The following H2BC18 variants were observed in gnomAD, a reference collection of about 807,000 sequenced individuals.
H2BC18 encodes the protein H2B clustered histone 18.
A neutral mutation model predicts 6.3 loss-of-function variants in H2BC18; 8 were observed. The ratio of observed to expected loss-of-function variants is 1.28; its 90% CI spans 0.75 to 2.31. The LOEUF is 2.31. Among genes scored for constraint, H2BC18 ranks in the 30% most tolerant of loss-of-function variants. The probability of loss-of-function intolerance (pLI) is 0.00; values close to 1 mark genes in which losing one functional copy is unlikely to be tolerated. For synonymous variants in H2BC18, 104 were observed against 78.1 expected, an observed-to-expected ratio of 1.33 and a Z score of -1.75; for missense variants, 106 against 174.5, an observed-to-expected ratio of 0.61 and a Z score of 2.21.
downstream of H2BC18, among the ~76,000 whole-genome samples, chr1:149,809,626 T>C (rs2091953675): frequency 1.4e-5 from 2 of 145,150 alleles, no homozygotes; most frequent in South Asian, 4.3e-4. Flanking sequence ...GAGAAGCATA[T>C]GTCTCTAGCA....
chr1:149,790,636 A>C (rs113151607), intron 1 of H2BC18, among the ~76,000 whole-genome samples: 526 of 88,612 alleles, frequency 5.9e-3, no homozygotes, highest in Admixed American at 8.5e-3. Flanking sequence ...CCTCCCTCCC[A>C]CTCTTCCCTC....
At chr1:149,789,379 C>T (rs587670228) in intron 1 of H2BC18, among the ~76,000 whole-genome samples, 5 of 138,418 alleles carry the variant, frequency 3.6e-5, no homozygotes, top group East Asian at 2.0e-4. Flanking sequence ...GGCAACAGAG[C>T]GAGACTACGT....
rs587596818 is a variant in H2BC18, at chr1:149,804,583, C to G, written c.377+7364G>C. Among the ~76,000 whole-genome samples the G allele has an allele frequency of 6.4e-3, 974 of 152,114 alleles. 3 individuals are homozygous for G. Among genetic ancestry groups the G allele is most frequent in the Middle Eastern group, 0.024 (7 of 294 alleles). ...TGTGCTCTGGAAGTACAATGGTGCT[C>G]TTGCTAGCGCCTTCCTAACCATAAC... On this transcript the variant is annotated intron_variant, in intron 1 of 1. Transcript: ENST00000545683.
downstream of H2BC18, among the ~76,000 whole-genome samples, chr1:149,807,827 G>GAGAGAGAGAGAGAA (rs2091936248): frequency 6.6e-6 from 1 of 151,756 alleles, no homozygotes. Context: ...AAGAAAGAGA[G>GAGAGAGAGAGAGAA]AGAGAGAGAG....
intron 1 of H2BC18, among the ~76,000 whole-genome samples, chr1:149,784,495 G>A (rs2091486842): frequency 6.6e-6 from 1 of 152,002 alleles, no homozygotes; most frequent in African/African-American, 2.4e-5. Flanking sequence ...TAAGACTTAG[G>A]CCCTAAGATT....
At chr1:149,811,010 G>A (rs187588166), downstream of H2BC18, 5 of 152,294 alleles carry the variant, frequency 3.3e-5, no homozygotes, top group East Asian at 3.9e-4. Context: ...CTGTGGAGAA[G>A]GACCTGTAAA....
In H2BC18 at chr1:149,788,581, C is replaced by T. The variant is rs782122885; in HGVS notation, c.378-5321G>A. 11 of 1,613,842 alleles carry T rather than the reference C, an allele frequency of 6.8e-6. No homozygotes were observed. The highest frequency in any genetic ancestry group is 1.6e-4 in the Middle Eastern group (1 of 6,078). On this transcript the variant is annotated intron_variant, in intron 1 of 1. Coordinates refer to the H2BC18 transcript ENST00000545683. ...CCATTGCTCAGGCATGGGAAAGCAT[C>T]GCTACACATCAGCAGGAATATCTGT...
At position 149,791,483 on chromosome 1, in the gene H2BC18, G is replaced by T. The variant is rs782766949; in HGVS notation, c.378-8223C>A. ...CAAAAAGAAGAACAGCTGCAGGAAGGGGTGCACCGGAAGGAGCCCCAGGGG... is the reference window on the plus strand; with the variant it reads ...CAAAAAGAAGAACAGCTGCAGGAAGTGGTGCACCGGAAGGAGCCCCAGGGG... On this transcript the variant is annotated intron_variant, in intron 1 of 1. Transcript: ENST00000545683. The T allele has an allele frequency of 2.5e-6, 4 of 1,609,322 alleles. No individual in the cohort carries two copies. The highest frequency in any genetic ancestry group is 2.5e-6 in the Non-Finnish European group (3 of 1,179,208).
chr1:149,810,251 C>A (rs2091959401), downstream of H2BC18, among the ~76,000 whole-genome samples: 1 of 151,828 alleles, frequency 6.6e-6, no homozygotes, highest in Non-Finnish European at 1.5e-5. Context: ...TACTGAGTAA[C>A]CTTTCCTACC....
chr1:149,800,518 AC>A (rs2091855900), intron 1 of H2BC18, among the ~76,000 whole-genome samples: 1 of 143,420 alleles, frequency 7.0e-6, no homozygotes, highest in African/African-American at 2.6e-5. Flanking sequence ...TCATTAATAA[AC>A]AAAACGACAT....
intron 1 of H2BC18, among the ~76,000 whole-genome samples, chr1:149,789,542 G>C (rs1339601802): frequency 1.3e-5 from 2 of 152,328 alleles, no homozygotes; most frequent in South Asian, 2.1e-4. Context: ...GATGGACCTT[G>C]TAGAGCAGGG....
At chr1:149,808,579 A>G (rs1397439339), downstream of H2BC18, among the ~76,000 whole-genome samples, 1 of 152,248 alleles carries the variant, frequency 6.6e-6, no homozygotes, top group African/African-American at 2.4e-5. Context: ...AACTAAAGGA[A>G]AATATTACAA....
At chr1:149,799,615 T>G (rs1553753095) in intron 1 of H2BC18, among the ~76,000 whole-genome samples, 1 of 152,224 alleles carries the variant, frequency 6.6e-6, no homozygotes, top group African/African-American at 2.4e-5. Flanking sequence ...TCAGCAAATC[T>G]TATTTGGTAG....
intron 1 of H2BC18, chr1:149,791,090 C>T (rs2091699313): frequency 9.8e-7 from 1 of 1,020,854 alleles, no homozygotes; most frequent in East Asian, 2.7e-5. Flanking sequence ...GAGCTACCGC[C>T]AGTTCCTTCC....
intron 1 of H2BC18, among the ~76,000 whole-genome samples, chr1:149,802,822 A>C (rs1553753522): frequency 1.3e-5 from 2 of 152,150 alleles, no homozygotes; most frequent in Non-Finnish European, 2.9e-5. Context: ...CAAAGGCAGG[A>C]GGAATGGATG....
At chr1:149,793,785 G>A (rs1307778237) in intron 1 of H2BC18, among the ~76,000 whole-genome samples, 1 of 151,828 alleles carries the variant, frequency 6.6e-6, no homozygotes, top group Non-Finnish European at 1.5e-5. Flanking sequence ...GGCCACAAGA[G>A]CTTCTGTAAG....
intron 1 of H2BC18, chr1:149,792,895 A>G (rs1458687504): frequency 7.9e-7 from 1 of 1,264,092 alleles, no homozygotes; most frequent in Non-Finnish European, 1.0e-6. Flanking sequence ...GCGGCCCCCC[A>G]AAATCCCAAC....
At chr1:149,792,776 G>C (rs1890792) in intron 1 of H2BC18, 18,936 of 1,229,466 alleles carry the variant, frequency 0.015, 2,008 homozygotes, top group African/African-American at 0.098. Flanking sequence ...ATTCCTGGAG[G>C]CTGCAGGAGC....
At chr1:149,800,667 TCC>T (rs1553753230) in intron 1 of H2BC18, among the ~76,000 whole-genome samples, 5 of 144,664 alleles carry the variant, frequency 3.5e-5, no homozygotes, top group African/African-American at 1.3e-4. Context: ...TCTGGATTTA[TCC>T]CTTGTTGAAT....
Sources: gnomAD v4.1 joint callset for allele counts (sites outside exome capture counted in the v4.1 genomes callset) on GRCh38, gnomAD v4.1.1 for gene constraint, MANE v1.5 for transcripts, NCBI Gene and HGNC (gene_info 2026-07-23, HGNC 2026-07-21) for gene names.